The following EPHA1 variants were observed in gnomAD, a reference collection of about 807,000 sequenced individuals.
EPHA1 encodes the protein EPH receptor A1.
In EPHA1, 92 loss-of-function variants were observed where a neutral mutation model predicts 110.1. The ratio of observed to expected loss-of-function variants is 0.84; its 90% CI spans 0.71 to 0.99. EPHA1 has a LOEUF of 0.99. EPHA1 is among the 50% of genes least tolerant of loss of function. The pLI, the probability that EPHA1 is intolerant of heterozygous loss-of-function variation, is 0.00. For synonymous variants in EPHA1, 500 were observed against 516.1 expected (o/e 0.97, Z 0.42); for missense variants, 1,204 against 1,285.4 (o/e 0.94, Z 0.97).
chr7:143,397,543 G>C lies in EPHA1; in HGVS notation c.1712+18C>G, dbSNP rs777423438. On this transcript the variant is annotated intron_variant, in intron 9 of 17. Coordinates refer to ENST00000275815, the MANE Select transcript of EPHA1 (RefSeq NM_005232.5). Reference sequence around the variant, plus strand: ...CTGACCCAGGGCTGGTGGTTGGGGAGGGGGCAGGAGCTGGCACCTGGACCG... The same window carrying C: ...CTGACCCAGGGCTGGTGGTTGGGGACGGGGCAGGAGCTGGCACCTGGACCG... 36 of 1,612,880 alleles carry C rather than the reference G, an allele frequency of 2.2e-5. No homozygotes were observed. Among genetic ancestry groups the C allele is most frequent in the Admixed American group, 5.0e-5 (3 of 59,972 alleles).
In EPHA1 at chr7:143,399,276, G is replaced by T; in HGVS notation, c.973C>A (p.Pro325Thr). 6.2e-7 allele frequency: 1 copy of T among 1,611,740 alleles called. No individual in the cohort carries two copies. Among genetic ancestry groups the T allele is most frequent in the Non-Finnish European group, 8.5e-7 (1 of 1,179,782 alleles). ...GACTCACCTGTGCATGCCACCTGGG[G>T]GCCCTCCCCGGGAGCTCTGTAATGG... is the stretch of plus-strand genomic sequence containing the variant. The part of the protein sequence containing the change: ...SGHYRAPGEG[P>T]QVACTGPPSA... Residue 325 changes from proline to threonine, a missense_variant, in exon 5 of 18, where the codon CCC becomes ACC. Coordinates refer to ENST00000275815, the MANE Select transcript of EPHA1 (RefSeq NM_005232.5).
chr7:143,391,738 C>T lies in EPHA1; in HGVS notation c.2734G>A (p.Gly912Arg), dbSNP rs1188722292. The T allele has an allele frequency of 6.2e-7, 1 of 1,613,924 alleles. No individual in the cohort carries two copies. The highest frequency in any genetic ancestry group is 1.7e-5 in the Admixed American group (1 of 60,020). ...TCAGAGACGGTTCGATATGGGATCC[C>T]ATCTGAGCCACTCAGGCTGGGCAGG... ...LRLPSLSGSDGIPYRTVSEWL... is the reference protein window; with the variant it reads ...LRLPSLSGSDRIPYRTVSEWL... The change falls in exon 17 of 18, where the codon GGG (glycine) becomes AGG (arginine). Residue 912 changes from glycine to arginine, a missense_variant. By Grantham distance (125) the Gly-to-Arg change is moderately radical. Transcript: ENST00000275815.
chr7:143,401,449 C>T lies in EPHA1; in HGVS notation c.307G>A (p.Val103Met), dbSNP rs760227816. 1.5e-5 allele frequency: 24 copies of T among 1,614,008 alleles called. No homozygotes were observed. Among genetic ancestry groups the T allele is most frequent in the Middle Eastern group, 1.6e-4 (1 of 6,084 alleles). ...SRVHVELQFT[V>M]RDCKSFPGGA... ...CCAGGGAAACTCTTGCAGTCCCGCACGGTGAACTGCAGCTCCACGTGGACG... is the reference window on the plus strand; with the variant it reads ...CCAGGGAAACTCTTGCAGTCCCGCATGGTGAACTGCAGCTCCACGTGGACG... The change falls in exon 3 of 18, where the codon GTG becomes ATG. Residue 103 changes from valine to methionine, a missense_variant. Physicochemically the swap from Val to Met is conservative, Grantham distance 21. Transcript: ENST00000275815. The surrounding 1 kb of genome is among the most constrained non-coding windows in gnomAD (Gnocchi z 4.1).
chr7:143,399,564 A>C, intron 4 of EPHA1, 87 bp downstream of exon 4: 1 of 1,579,122 alleles, frequency 6.3e-7, no homozygotes, highest in Non-Finnish European at 8.6e-7. Flanking sequence ...AAACCCACTG[A>C]GGCGGAGCAC....
Position 143,396,479 on chromosome 7 carries a change from G to A in EPHA1, c.1803C>T (p.Asp601=). 6.2e-7 allele frequency: 1 copy of A among 1,613,998 alleles called. No individual in the cohort carries two copies. The highest frequency in any genetic ancestry group is 8.5e-7 in the Non-Finnish European group (1 of 1,179,942). ...EDKLWLKPYV[D]LQAYEDPAQG... ...GTGCAGGGTCCTCGTATGCCTGGAG[G>A]TCCACATAAGGCTTCAGCCACAGCT... The change falls in exon 11 of 18, where the codon GAC becomes GAT. Residue 601 remains aspartate (D), a synonymous_variant. Transcript: ENST00000275815.
rs371634371 is a variant in EPHA1, at chr7:143,395,533, C to T, written c.1898-29G>A. ...GGTAGAAAGAAAACAGGCTGTGGCC[C>T]GATGCACTGCAGGGCTCCTCCAGGG... On this transcript the variant is annotated intron_variant, in intron 11 of 17. Transcript: ENST00000275815. The surrounding 1 kb of genome is among the most constrained non-coding windows in gnomAD (Gnocchi z 4.7). 241 of 1,609,896 alleles carry T rather than the reference C, an allele frequency of 1.5e-4. No homozygotes were observed. The highest frequency in any genetic ancestry group is 3.7e-4 in the Middle Eastern group (2 of 5,432).
Position 143,393,699 on chromosome 7 carries a change from G to C in EPHA1, c.2668C>G (p.Leu890Val). 6.2e-7 allele frequency: 1 copy of C among 1,613,878 alleles called. No homozygotes were observed. The highest frequency in any genetic ancestry group is 8.5e-7 in the Non-Finnish European group (1 of 1,179,956). ...GGGTCAAAGTTGGCAATGGTCCGCAGGGAGTGGGGGTTGGCAAGCAGTTGC... is the reference window on the plus strand; with the variant it reads ...GGGTCAAAGTTGGCAATGGTCCGCACGGAGTGGGGGTTGGCAAGCAGTTGC... Reference protein sequence around the residue: ...LEQLLANPHSLRTIANFDPRM... With the variant: ...LEQLLANPHSVRTIANFDPRM... The change falls in exon 16 of 18, where the codon CTG becomes GTG. Residue 890 changes from leucine to valine, a missense_variant. Transcript: ENST00000275815. This position sits in a 1 kb window ranked among gnomAD's most constrained non-coding sequence, Gnocchi z 5.6.
chr7:143,392,655 T>A (rs917337426), intron 16 of EPHA1, among the ~76,000 whole-genome samples: 1 of 151,642 alleles, frequency 6.6e-6, no homozygotes, highest in South Asian at 2.1e-4. Context: ...TAAGAATTGG[T>A]TCTCCAGGCC....
rs946866345 is a variant in EPHA1, at chr7:143,401,199, C to A, written c.432+125G>T. ...CAAGCCACCATGCCCAGCCTTCAAGCGCCAAATTCTTTTCAAGATTCTACC... is the reference window on the plus strand; with the variant it reads ...CAAGCCACCATGCCCAGCCTTCAAGAGCCAAATTCTTTTCAAGATTCTACC... On this transcript the variant is annotated intron_variant, in intron 3 of 17. Transcript: ENST00000275815. This position sits in a 1 kb window ranked among gnomAD's most constrained non-coding sequence, Gnocchi z 4.1. The A allele has an allele frequency of 6.9e-6, 9 of 1,304,030 alleles. No individual in the cohort carries two copies. Among genetic ancestry groups the A allele is most frequent in the South Asian group, 4.3e-5 (3 of 69,974 alleles). The allele number at this position is 1,304,030 out of a possible 1,614,324, so 80.8% of individuals were successfully genotyped here. A position where few individuals can be genotyped will look rare whatever the true frequency, so the allele number is the denominator to read the frequency against.
chr7:143,396,807 C>A (rs1805264809), intron 10 of EPHA1: 3 of 382,194 alleles, frequency 7.8e-6, no homozygotes, highest in Non-Finnish European at 1.5e-5. Flanking sequence ...GGCCAGTCCC[C>A]ACACTGCTCT....
intron 2 of EPHA1, among the ~76,000 whole-genome samples, chr7:143,407,344 C>T (rs968742519): frequency 6.6e-6 from 1 of 152,094 alleles, no homozygotes; most frequent in Non-Finnish European, 1.5e-5. Flanking sequence ...AGCTCCTCTC[C>T]CCCTCACAAG....
chr7:143,399,540 G>A (rs1023106191), intron 4 of EPHA1, 111 bp downstream of exon 4: 4 of 1,561,162 alleles, frequency 2.6e-6, no homozygotes, highest in Non-Finnish European at 3.5e-6. Context: ...GCTGCTCTGG[G>A]ACACTCAGGT....
chr7:143,396,424 C>G lies in EPHA1; in HGVS notation c.1858G>C (p.Asp620His), dbSNP rs1284336251. 5.6e-6 allele frequency: 9 copies of G among 1,613,640 alleles called. No individual in the cohort carries two copies. Among genetic ancestry groups the G allele is most frequent in the South Asian group, 5.5e-5 (5 of 90,986 alleles). Residue 620 changes from aspartate (D) to histidine (H), a missense_variant, in exon 11 of 18, where the codon GAT becomes CAT. Transcript: ENST00000275815. ...GTGTCCACCATCAGCCACGCTGGAT[C>G]AAGCTCCCGGGTAAAGTCCAGGGCT... ...QGALDFTREL[D>H]PAWLMVDTVI... is the part of the protein sequence containing the mutation.
intron 9 of EPHA1, 75 bp downstream of exon 9, chr7:143,397,486 G>A: frequency 5.6e-6 from 9 of 1,593,614 alleles, no homozygotes; most frequent in Non-Finnish European, 6.9e-6. Context: ...ACTAGGGGAT[G>A]GGAGGGTCGT....
Position 143,401,218 on chromosome 7 carries a change from T to C in EPHA1, c.432+106A>G. The C allele has an allele frequency of 7.0e-7, 1 of 1,429,728 alleles. No individual in the cohort carries two copies. The highest frequency in any genetic ancestry group is 9.4e-7 in the Non-Finnish European group (1 of 1,062,856). The allele number at this position is 1,429,728 out of a possible 1,614,324, so 88.6% of individuals were successfully genotyped here. ...TTCAAGCGCCAAATTCTTTTCAAGA[T>C]TCTACCTCTGCACCCTCTTCCTGTC... On this transcript the variant is annotated intron_variant, in intron 3 of 17. Coordinates refer to ENST00000275815, the MANE Select transcript of EPHA1 (RefSeq NM_005232.5). This position sits in a 1 kb window ranked among gnomAD's most constrained non-coding sequence, Gnocchi z 4.1.
chr7:143,398,757 G>C lies in EPHA1; in HGVS notation c.1180C>G (p.Pro394Ala). The C allele has an allele frequency of 6.2e-7, 1 of 1,613,960 alleles. No homozygotes were observed. The highest frequency in any genetic ancestry group is 8.5e-7 in the Non-Finnish European group (1 of 1,179,988). ...GGTGTGGTGAGCCCCCGGGCCCCCG[G>C]CGAGAAGTGCACGCCCACCCCACAG... ...QPCGVGVHFS[P>A]GARGLTTPAV... The change falls in exon 6 of 18, where the codon CCG (proline) becomes GCG (alanine). Residue 394 changes from proline (P) to alanine (A), a missense_variant. Coordinates refer to ENST00000275815, the MANE Select transcript of EPHA1 (RefSeq NM_005232.5).
In EPHA1 at chr7:143,395,796, C is replaced by G. The variant is rs562521572; in HGVS notation, c.1898-292G>C. On this transcript the variant is annotated intron_variant, in intron 11 of 17. Transcript: ENST00000275815. This position sits in a 1 kb window ranked among gnomAD's most constrained non-coding sequence, Gnocchi z 4.7. ...TGAACCCTGTGGAGCGGGACTGGGC[C>G]GTGCTCATGAAGAGCAAGCTAGTGC... Among the ~76,000 whole-genome samples, 1 of 152,208 alleles carries G rather than the reference C, an allele frequency of 6.6e-6. No homozygotes were observed. Among genetic ancestry groups the G allele is most frequent in the Non-Finnish European group, 1.5e-5 (1 of 68,036 alleles).
In EPHA1 at chr7:143,397,341, C is replaced by T. The variant is rs542197026; in HGVS notation, c.1734G>A (p.Gln578=). 5.4e-4 allele frequency: 836 copies of T among 1,550,042 alleles called. 12 individuals are homozygous for T. In the South Asian group the frequency reaches 9.4e-3, roughly 17 times the overall value. ...CGGTGGCGCGGTCACGCTGCCTCTG[C>T]TGCCTCTGCCGCTGGGCTCTCCTGT... is the stretch of plus-strand genomic sequence containing the variant. ...FRSRRAQRQR[Q]QRQRDRATDV... Residue 578 remains glutamine (Q), a synonymous_variant, in exon 10 of 18, where the codon CAG becomes CAA. Coordinates refer to ENST00000275815, the MANE Select transcript of EPHA1 (RefSeq NM_005232.5).
chr7:143,400,710 C>T (rs1378092606), intron 3 of EPHA1: 2 of 154,660 alleles, frequency 1.3e-5, no homozygotes. Context: ...TTCCCTCCTC[C>T]CCATGGTATC....
Sources: gnomAD v4.1 joint callset for allele counts (sites outside exome capture counted in the v4.1 genomes callset) on GRCh38, gnomAD v4.1.1 for gene constraint, Gnocchi (gnomAD v3.1) non-coding constraint, MANE v1.5 for transcripts, NCBI Gene and HGNC (gene_info 2026-07-23, HGNC 2026-07-21) for gene names.